Variants in BACH2 observed in about 807,000 individuals in gnomAD.
BACH2 encodes transcription regulator protein BACH2.
A neutral mutation model predicts 61.8 loss-of-function variants in BACH2; 5 were observed. That is an observed-to-expected ratio of 0.08 (90% CI 0.04 to 0.17). BACH2 has a LOEUF of 0.17. Among genes scored for constraint, BACH2 ranks in the 10% least tolerant of loss-of-function variants. The pLI, the probability that BACH2 is intolerant of heterozygous loss-of-function variation, is 1.00. For missense variants in BACH2, 824 were observed against 1,091.1 expected (o/e 0.76, Z 3.45); for synonymous variants, 446 against 440.1 (o/e 1.01, Z -0.17).
chr6:90,100,308 G>A (rs748559059), intron 4 of BACH2, among the ~76,000 whole-genome samples: 2 of 152,136 alleles, frequency 1.3e-5, no homozygotes, highest in African/African-American at 2.4e-5. Context: ...AAGTGAAATC[G>A]CTAGGTAGGA....
chr6:90,046,025 CT>C (rs1779761974), intron 5 of BACH2, among the ~76,000 whole-genome samples: 1 of 151,896 alleles, frequency 6.6e-6, no homozygotes, highest in Admixed American at 6.5e-5. Context: ...CTCTGTATCT[CT>C]GTGTAATACT....
chr6:90,137,372 T>A (rs1562467823), intron 4 of BACH2, among the ~76,000 whole-genome samples: 1 of 151,904 alleles, frequency 6.6e-6, no homozygotes, highest in Non-Finnish European at 1.5e-5. Flanking sequence ...TGCATTTGAG[T>A]GTAATGTGAT....
At chr6:90,153,884 T>C (rs1473886343) in intron 4 of BACH2, among the ~76,000 whole-genome samples, 3 of 152,254 alleles carry the variant, frequency 2.0e-5, no homozygotes, top group Admixed American at 6.5e-5. Context: ...GCAGACTATG[T>C]AATTTACGCT....
At chr6:90,210,737 G>A (rs1423531918) in intron 3 of BACH2, among the ~76,000 whole-genome samples, 4 of 152,172 alleles carry the variant, frequency 2.6e-5, no homozygotes, top group African/African-American at 7.2e-5. Context: ...GTCTTTAAAG[G>A]GTGCCTTGAG....
intron 4 of BACH2, among the ~76,000 whole-genome samples, chr6:90,185,539 T>C (rs1281874120): frequency 6.6e-6 from 1 of 152,202 alleles, no homozygotes; most frequent in Non-Finnish European, 1.5e-5. Flanking sequence ...GGTTGTGGGA[T>C]TATACATGAT....
chr6:90,145,422 ATAAACT>A (rs947225762), intron 4 of BACH2, among the ~76,000 whole-genome samples: 3 of 152,344 alleles, frequency 2.0e-5, no homozygotes, highest in Non-Finnish European at 4.4e-5. Context: ...GCATTTGGAG[ATAAACT>A]TAGGAAGATG....
At chr6:90,184,030 A>T (rs1562492009) in intron 4 of BACH2, among the ~76,000 whole-genome samples, 1 of 152,214 alleles carries the variant, frequency 6.6e-6, no homozygotes, top group African/African-American at 2.4e-5. Context: ...TTTTTTGTCC[A>T]TATAACCTCT....
At chr6:89,932,924 C>A (rs771392110) in intron 8 of BACH2, 34 bp from the exon 9 acceptor site, 6 of 1,527,564 alleles carry the variant, frequency 3.9e-6, no homozygotes, top group Admixed American at 2.1e-5. Context: ...AAGGGTTGAT[C>A]AAGCCTGAAC....
intron 1 of BACH2, among the ~76,000 whole-genome samples, chr6:90,296,143 T>G (rs186329333): frequency 6.6e-6 from 1 of 151,982 alleles, no homozygotes; most frequent in African/African-American, 2.4e-5. Flanking sequence ...CATGCCTGAC[T>G]TATTACTCTC....
intron 5 of BACH2, among the ~76,000 whole-genome samples, chr6:90,076,868 T>C (rs1377108917): frequency 6.6e-6 from 1 of 152,154 alleles, no homozygotes; most frequent in Non-Finnish European, 1.5e-5. Context: ...ATACTCTCAT[T>C]AGATTTATAT....
At chr6:90,090,145 A>G (rs1782102431) in intron 4 of BACH2, among the ~76,000 whole-genome samples, 1 of 152,144 alleles carries the variant, frequency 6.6e-6, no homozygotes, top group East Asian at 1.9e-4. Context: ...GAATATGAGT[A>G]TTTCCCCAAG....
intron 5 of BACH2, among the ~76,000 whole-genome samples, chr6:90,039,041 CAAAA>C (rs779828857): frequency 2.0e-5 from 2 of 101,886 alleles, no homozygotes. Context: ...ACTCCGTCTC[CAAAA>C]AAAAAAAAAA....
intron 5 of BACH2, among the ~76,000 whole-genome samples, chr6:90,032,805 C>T: frequency 6.6e-6 from 1 of 152,158 alleles, no homozygotes; most frequent in Admixed American, 6.5e-5. Context: ...GTGGCGATTC[C>T]TCAGGGATCC....
At chr6:89,947,691 G>C (rs1000849266) in intron 7 of BACH2, among the ~76,000 whole-genome samples, 1 of 151,474 alleles carries the variant, frequency 6.6e-6, no homozygotes, top group African/African-American at 2.4e-5. Flanking sequence ...TCAGCCTCCT[G>C]AGTAGCTGGG....
At position 90,050,621 on chromosome 6, in the gene BACH2, C is replaced by A. The variant is rs57216502; in HGVS notation, c.-13+38340G>T. Reference sequence around the variant, plus strand: ...TTTATCTTGAAAAATATAGTTTTTTCATAAAGATATGTTATTCATGTTAAC... The same window carrying A: ...TTTATCTTGAAAAATATAGTTTTTTAATAAAGATATGTTATTCATGTTAAC... On this transcript the variant is annotated intron_variant, in intron 5 of 8. Coordinates refer to ENST00000257749, the MANE Select transcript of BACH2 (RefSeq NM_021813.4). Among the ~76,000 whole-genome samples, 907 of 152,084 alleles carry A rather than the reference C, an allele frequency of 6.0e-3. 52 individuals are homozygous for A. In the East Asian group the frequency reaches 0.14, roughly 23 times the overall value.
chr6:90,085,154 A>C (rs1245827762), intron 5 of BACH2, among the ~76,000 whole-genome samples: 1 of 152,208 alleles, frequency 6.6e-6, no homozygotes, highest in African/African-American at 2.4e-5. Context: ...AATAATACCC[A>C]TAAGTACAGA....
chr6:90,274,829 A>G (rs1042714432), intron 1 of BACH2, among the ~76,000 whole-genome samples: 1 of 152,244 alleles, frequency 6.6e-6, no homozygotes, highest in Admixed American at 6.5e-5. Context: ...AACTGGCAGC[A>G]TAAGTGCATA....
intron 5 of BACH2, among the ~76,000 whole-genome samples, chr6:90,059,185 G>A (rs1780543668): frequency 6.6e-6 from 1 of 152,240 alleles, no homozygotes; most frequent in African/African-American, 2.4e-5. Flanking sequence ...GAGTGAACAG[G>A]CAACCTACAG....
At chr6:90,251,789 T>G (rs1452340988) in intron 3 of BACH2, among the ~76,000 whole-genome samples, 2 of 152,154 alleles carry the variant, frequency 1.3e-5, no homozygotes, top group Non-Finnish European at 2.9e-5. Flanking sequence ...AGGATTGTAA[T>G]GGAAAGTTAA....
Sources: gnomAD v4.1 joint callset for allele counts (sites outside exome capture counted in the v4.1 genomes callset) on GRCh38, gnomAD v4.1.1 for gene constraint, MANE v1.5 for transcripts, NCBI Gene and HGNC (gene_info 2026-07-23, HGNC 2026-07-21) for gene names.